APBA1: variants seen among roughly 807,000 people sequenced by gnomAD.
APBA1 encodes amyloid-beta A4 precursor protein-binding family A member 1.
Under a neutral mutation model 86.6 loss-of-function variants are expected in APBA1, and 55 were observed. The observed-to-expected ratio is 0.64, with a 90% CI of 0.51 to 0.80. The LOEUF (loss-of-function observed/expected upper bound fraction) is 0.80. Ranked by LOEUF, APBA1 falls within the 30% of genes least tolerant of loss-of-function variation. The probability of loss-of-function intolerance (pLI) is 0.00; values close to 1 mark genes in which losing one functional copy is unlikely to be tolerated. For synonymous variants in APBA1, 511 were observed against 493.9 expected (o/e 1.03, Z -0.46); for missense variants, 1,090 against 1,183.0 (o/e 0.92, Z 1.15).
At chr9:69,604,723 C>T (rs1279460797) in intron 1 of APBA1, among the ~76,000 whole-genome samples, 11 of 121,156 alleles carry the variant, frequency 9.1e-5, no homozygotes, top group African/African-American at 4.3e-4. Context: ...TGGAGAGGCA[C>T]ACGAGTGTGG....
intron 1 of APBA1, among the ~76,000 whole-genome samples, chr9:69,656,273 G>A (rs1823610476): frequency 6.6e-6 from 1 of 152,068 alleles, no homozygotes; most frequent in African/African-American, 2.4e-5. Flanking sequence ...CCATTCCTGA[G>A]TATATACCCT....
chr9:69,454,722 T>C (rs1294710628), intron 8 of APBA1, among the ~76,000 whole-genome samples: 1 of 152,094 alleles, frequency 6.6e-6, no homozygotes, highest in Non-Finnish European at 1.5e-5. Context: ...AACCCCTCCC[T>C]ATGAGCTCCA....
At chr9:69,515,944 G>A (rs1836133259) in intron 2 of APBA1, 67 bp downstream of exon 2, 1 of 1,454,060 alleles carries the variant, frequency 6.9e-7, no homozygotes, top group East Asian at 2.6e-5. Context: ...GGGCACACAA[G>A]GCCATGGGGC....
chr9:69,483,625 A>C (rs1165484098), intron 2 of APBA1, among the ~76,000 whole-genome samples: 1 of 152,192 alleles, frequency 6.6e-6, no homozygotes, highest in East Asian at 1.9e-4. Context: ...AATTCATTTT[A>C]ATTCAGATGA....
chr9:69,659,655 C>T (rs1004986887), intron 1 of APBA1, among the ~76,000 whole-genome samples: 1 of 152,206 alleles, frequency 6.6e-6, no homozygotes, highest in Non-Finnish European at 1.5e-5. Context: ...AGCCTCTCAT[C>T]CTCCACTCTT....
At chr9:69,655,192 T>C (rs1216842350) in intron 1 of APBA1, among the ~76,000 whole-genome samples, 2 of 152,160 alleles carry the variant, frequency 1.3e-5, no homozygotes, top group African/African-American at 4.8e-5. Flanking sequence ...TTCAACATCA[T>C]GCTGGAAGTC....
chr9:69,571,871 C>T (rs76826454), intron 1 of APBA1, among the ~76,000 whole-genome samples: 2 of 152,116 alleles, frequency 1.3e-5, no homozygotes, highest in Non-Finnish European at 2.9e-5. Flanking sequence ...ATGTGGAAAA[C>T]GAGGCTGTCA....
At chr9:69,439,874 T>C (rs1834779870) in intron 11 of APBA1, among the ~76,000 whole-genome samples, 1 of 152,224 alleles carries the variant, frequency 6.6e-6, no homozygotes, top group African/African-American at 2.4e-5. Flanking sequence ...TTGTAGAGTT[T>C]CTGGTTTTTC....
chr9:69,663,885 T>TAA (rs1823799785), intron 1 of APBA1, among the ~76,000 whole-genome samples: 1 of 152,206 alleles, frequency 6.6e-6, no homozygotes, highest in Non-Finnish European at 1.5e-5. Context: ...GCCTTATGTA[T>TAA]AAATGCTTAC....
chr9:69,588,979 G>A (rs1328201103), intron 1 of APBA1, among the ~76,000 whole-genome samples: 1 of 152,142 alleles, frequency 6.6e-6, no homozygotes, highest in African/African-American at 2.4e-5. Context: ...TTTCGAGACA[G>A]GGTCTGGCTC....
At chr9:69,650,744 A>C (rs928515557) in intron 1 of APBA1, among the ~76,000 whole-genome samples, 1 of 152,248 alleles carries the variant, frequency 6.6e-6, no homozygotes, top group Admixed American at 6.5e-5. Context: ...AAGGAAATTA[A>C]CAAAAATAAA....
intron 2 of APBA1, among the ~76,000 whole-genome samples, chr9:69,501,959 C>T (rs2133872773): frequency 6.6e-6 from 1 of 152,216 alleles, no homozygotes; most frequent in Admixed American, 6.5e-5. Context: ...TGACTAGCAA[C>T]TGACAACAAA....
At chr9:69,574,485 T>C (rs576313908) in intron 1 of APBA1, among the ~76,000 whole-genome samples, 4 of 152,272 alleles carry the variant, frequency 2.6e-5, no homozygotes, top group Admixed American at 2.6e-4. Context: ...ATCCTCTCTA[T>C]ATATGCATAG....
chr9:69,466,031 C>T (rs576063080), intron 5 of APBA1, among the ~76,000 whole-genome samples: 220 of 152,294 alleles, frequency 1.4e-3, no homozygotes, highest in Non-Finnish European at 2.5e-3. Context: ...AATCACTCCT[C>T]CCTGGTTTAT....
chr9:69,483,441 G>A (rs1835555759), intron 2 of APBA1, among the ~76,000 whole-genome samples: 1 of 152,022 alleles, frequency 6.6e-6, no homozygotes, highest in African/African-American at 2.4e-5. Flanking sequence ...CATGGAAAGG[G>A]ATAATATTGC....
intron 2 of APBA1, among the ~76,000 whole-genome samples, chr9:69,484,629 A>G (rs550004008): frequency 6.6e-6 from 1 of 152,182 alleles, no homozygotes; most frequent in South Asian, 2.1e-4. Flanking sequence ...TTCACAGTAC[A>G]TTCCTTTTCT....
intron 2 of APBA1, among the ~76,000 whole-genome samples, chr9:69,513,419 G>C (rs1361941509): frequency 2.0e-5 from 3 of 152,226 alleles, no homozygotes; most frequent in African/African-American, 7.2e-5. Context: ...TGGACCAACT[G>C]TGCCTGCAGC....
chr9:69,537,410 T>C lies in APBA1; in HGVS notation c.-69-20131A>G, dbSNP rs1836530864. On this transcript the variant is annotated intron_variant, in intron 1 of 12. Transcript: ENST00000265381. ...TGTCAACCATCACAGGTGCACAGCC[T>C]GTCTAGGGAAGCCTATATGGCTAGG... Among the ~76,000 whole-genome samples, 3 of 152,076 alleles carry C rather than the reference T, an allele frequency of 2.0e-5. No individual in the cohort carries two copies. In the South Asian group the frequency reaches 6.2e-4, roughly 32 times the overall value.
At chr9:69,616,285 C>T (rs1328220545) in intron 1 of APBA1, among the ~76,000 whole-genome samples, 2 of 152,142 alleles carry the variant, frequency 1.3e-5, no homozygotes, top group African/African-American at 2.4e-5. Flanking sequence ...TGTGCTATTG[C>T]TAATACCATA....
Sources: allele counts gnomAD v4.1 joint callset (sites outside exome capture counted in the v4.1 genomes callset), GRCh38; gene constraint gnomAD v4.1.1; transcripts MANE v1.5; gene names NCBI Gene and HGNC (gene_info 2026-07-23, HGNC 2026-07-21).